The following MRPS16 variants were observed in gnomAD, a reference collection of about 807,000 sequenced individuals.
MRPS16 encodes the protein small ribosomal subunit protein bS16m.
MRPS16 carries 5 observed loss-of-function variants against 11.0 expected under a neutral mutation model. The observed-to-expected ratio is 0.46, with a 90% CI of 0.24 to 0.96. The LOEUF is 0.96. Ranked by LOEUF, MRPS16 falls within the 40% of genes least tolerant of loss-of-function variation. The pLI is 0.20. For missense variants in MRPS16, 179 were observed against 174.4 expected (o/e 1.03, Z -0.15); for synonymous variants, 76 against 65.0 (o/e 1.17, Z -0.81).
intron 1 of MRPS16, chr10:73,252,231 G>A: frequency 6.9e-6 from 7 of 1,007,978 alleles, no homozygotes; most frequent in Non-Finnish European, 8.8e-6. Context: ...CACCCCGCAT[G>A]GGCTTGCCAT....
At position 73,252,514 on chromosome 10, in the gene MRPS16, C is replaced by G; in HGVS notation, c.-32G>C. The G allele has an allele frequency of 6.2e-7, 1 of 1,604,696 alleles. No homozygotes were observed. Among genetic ancestry groups the G allele is most frequent in the Non-Finnish European group, 8.5e-7 (1 of 1,179,392 alleles). ...GCCGGCGTGCGGCTCCTCGGAGAGC[C>G]CCGCTACCCGCACGCACCAGCTCTA... is the stretch of plus-strand genomic sequence containing the variant. On this transcript the variant is annotated 5_prime_UTR_variant, in exon 1 of 3. Coordinates refer to ENST00000372945, the MANE Select transcript of MRPS16 (RefSeq NM_016065.4).
chr10:73,252,430 G>T, intron 1 of MRPS16, 40 bp downstream of exon 1: 3 of 1,608,794 alleles, frequency 1.9e-6, no homozygotes, highest in Non-Finnish European at 1.7e-6. Flanking sequence ...CCCGAGCCCC[G>T]TGACCGCCCG....
rs991333622 is a variant in MRPS16, at chr10:73,250,099, T to A, written c.*753A>T. ...GGTGGGCACCTGTAGTCCCAGCTAC[T>A]CCTGGGACTACTCGGGAGGCTGAAG... On this transcript the variant is annotated 3_prime_UTR_variant, in exon 3 of 3. Transcript: ENST00000372945. 1 of 151,220 alleles carries A rather than the reference T, an allele frequency of 6.6e-6. No individual in the cohort carries two copies. The highest frequency in any genetic ancestry group is 6.6e-5 in the Admixed American group (1 of 15,192). The allele number at this position is 151,220 out of a possible 1,614,324, so 9.4% of individuals were successfully genotyped here.
intron 1 of MRPS16, 186 bp downstream of exon 1, chr10:73,252,284 T>TG: frequency 9.2e-7 from 1 of 1,086,452 alleles, no homozygotes; most frequent in Non-Finnish European, 1.3e-6. Flanking sequence ...GCTGCTTCAA[T>TG]GGGGTGGAAA....
rs1467603217 is a variant in MRPS16 at position 73,250,846 on chromosome 10, G to A, written c.*6C>T. The A allele has an allele frequency of 1.2e-6, 2 of 1,613,430 alleles. No individual in the cohort carries two copies. Among genetic ancestry groups the A allele is most frequent in the African/African-American group, 2.7e-5 (2 of 74,926 alleles). ...CCCACTGCTATGCTCACTAAAGTCA[G>A]CTCATTTATGTTTCTGTAGCCTCTG... On this transcript the variant is annotated 3_prime_UTR_variant, in exon 3 of 3. Transcript: ENST00000372945.
In MRPS16 at chr10:73,250,631, C is replaced by T; in HGVS notation, c.*221G>A. 1.8e-6 allele frequency: 1 copy of T among 567,286 alleles called. No homozygotes were observed. Among genetic ancestry groups the T allele is most frequent in the Non-Finnish European group, 3.1e-6 (1 of 321,664 alleles). 35.1% of individuals were successfully genotyped at this position (567,286 alleles called of 1,614,324 possible). ...ATCCTCCCATAGCCACTGTCTATCC[C>T]AAGACAAAGTCGAAAAAAGCTAATT... is the stretch of plus-strand genomic sequence containing the variant. On this transcript the variant is annotated 3_prime_UTR_variant, in exon 3 of 3. Coordinates refer to ENST00000372945, the MANE Select transcript of MRPS16 (RefSeq NM_016065.4).
chr10:73,249,425 A>G lies in MRPS16; in HGVS notation c.*1427T>C. Reference sequence around the variant, plus strand: ...CCTTATAGATTACTGGCATCAAGGTAGGAAGGAAAAGATACAAGAAGTAAA... The same window carrying G: ...CCTTATAGATTACTGGCATCAAGGTGGGAAGGAAAAGATACAAGAAGTAAA... On this transcript the variant is annotated 3_prime_UTR_variant, in exon 3 of 3. Transcript: ENST00000372945. The G allele has an allele frequency of 1.8e-6, 2 of 1,124,572 alleles. No individual in the cohort carries two copies. The highest frequency in any genetic ancestry group is 2.5e-6 in the Non-Finnish European group (2 of 789,138). The allele number at this position is 1,124,572 out of a possible 1,614,324, so 69.7% of individuals were successfully genotyped here. A position where few individuals can be genotyped will look rare whatever the true frequency, so the allele number is the denominator to read the frequency against.
Position 73,250,210 on chromosome 10 carries a change from A to T in MRPS16, c.*642T>A, listed in dbSNP as rs145765900. ...ACTCAAGCCTGGGCGACAGAGCGAG[A>T]CTCCTCTCAAAAAAAAAAAAAAAAT... On this transcript the variant is annotated 3_prime_UTR_variant, in exon 3 of 3. Coordinates refer to ENST00000372945, the MANE Select transcript of MRPS16 (RefSeq NM_016065.4). 1 of 133,852 alleles carries T rather than the reference A, an allele frequency of 7.5e-6. No individual in the cohort carries two copies. Among genetic ancestry groups the T allele is most frequent in the Non-Finnish European group, 1.6e-5 (1 of 63,736 alleles). The allele number at this position is 133,852 out of a possible 1,614,324, so 8.3% of individuals were successfully genotyped here. A position where few individuals can be genotyped will look rare whatever the true frequency, so the allele number is the denominator to read the frequency against.
chr10:73,252,060 C>A (rs767901807), intron 1 of MRPS16, 37 bp from the exon 2 acceptor site: 26 of 1,601,308 alleles, frequency 1.6e-5, no homozygotes, highest in Middle Eastern at 1.6e-4. Context: ...CAAAAAACAG[C>A]ACAAAAAGGA....
At position 73,251,850 on chromosome 10, in the gene MRPS16, C is replaced by T. The variant is rs1407638566; in HGVS notation, c.187G>A (p.Glu63Lys). 2 of 1,614,218 alleles carry T rather than the reference C, an allele frequency of 1.2e-6. No individual in the cohort carries two copies. The highest frequency in any genetic ancestry group is 2.2e-5 in the South Asian group (2 of 91,088). ...SYDPLPNSHG[E>K]KLVALNLDRI... ...TCTAGGTTGAGGGCAACGAGTTTTT[C>T]TCCATGACTGTTGGGCAATGGATCA... Residue 63 changes from glutamate (E) to lysine (K), a missense_variant, in exon 2 of 3, where the codon GAA becomes AAA. Coordinates refer to ENST00000372945, the MANE Select transcript of MRPS16 (RefSeq NM_016065.4).
chr10:73,252,404 C>G (rs928610632), intron 1 of MRPS16, 66 bp downstream of exon 1: 6 of 1,604,100 alleles, frequency 3.7e-6, no homozygotes, highest in African/African-American at 2.7e-5. Flanking sequence ...GAGCTCTCCC[C>G]ACCCGGCCCC....
chr10:73,252,117 C>G (rs1432075336), intron 1 of MRPS16, 94 bp from the exon 2 acceptor site: 10 of 1,499,584 alleles, frequency 6.7e-6, no homozygotes, highest in Non-Finnish European at 9.1e-6. Context: ...TGAAATGTCT[C>G]ACTTCCAATC....
In MRPS16 at chr10:73,250,508, C is replaced by T. The variant is rs1288635542; in HGVS notation, c.*344G>A. On this transcript the variant is annotated 3_prime_UTR_variant, in exon 3 of 3. Coordinates refer to ENST00000372945, the MANE Select transcript of MRPS16 (RefSeq NM_016065.4). ...GGATGAACATGAAGATCTGAATGGG[C>T]CATGAATAGTCTGGCTGGGGGTTTT... is the stretch of plus-strand genomic sequence containing the variant. The T allele has an allele frequency of 5.5e-6, 2 of 362,202 alleles. No homozygotes were observed. The highest frequency in any genetic ancestry group is 1.1e-5 in the Non-Finnish European group (2 of 190,288). The allele number at this position is 362,202 out of a possible 1,614,324, so 22.4% of individuals were successfully genotyped here.
At position 73,249,302 on chromosome 10, in the gene MRPS16, A is replaced by G. The variant is rs1375362467; in HGVS notation, c.*1550T>C. ...CACTGACTTCAGGCTTTTAAAACAC[A>G]TGGGAATACTTGAGACCTAAGAATG... is the stretch of plus-strand genomic sequence containing the variant. On this transcript the variant is annotated 3_prime_UTR_variant, in exon 3 of 3. Coordinates refer to ENST00000372945, the MANE Select transcript of MRPS16 (RefSeq NM_016065.4). The G allele has an allele frequency of 1.3e-6, 2 of 1,550,232 alleles. No individual in the cohort carries two copies. Among genetic ancestry groups the G allele is most frequent in the East Asian group, 2.4e-5 (1 of 40,912 alleles).
rs1216573860 is a variant in MRPS16 at position 73,249,284 on chromosome 10, TTCAGGCTTTTAAAAC to T, written c.*1553_*1567del. On this transcript the variant is annotated 3_prime_UTR_variant, in exon 3 of 3. Coordinates refer to ENST00000372945, the MANE Select transcript of MRPS16 (RefSeq NM_016065.4). ...TGATGTTGAATTTCATCTCACTGAC[TTCAGGCTTTTAAAAC>T]ACATGGGAATACTTGAGACCTAAGA... 2.6e-6 allele frequency: 4 copies of T among 1,549,984 alleles called. No homozygotes were observed. Among genetic ancestry groups the T allele is most frequent in the Non-Finnish European group, 3.5e-6 (4 of 1,146,566 alleles).
rs758576112 is a variant in MRPS16 at position 73,251,928 on chromosome 10, C to A, written c.109G>T (p.Ala37Ser). 1 of 1,614,064 alleles carries A rather than the reference C, an allele frequency of 6.2e-7. No individual in the cohort carries two copies. Among genetic ancestry groups the A allele is most frequent in the Non-Finnish European group, 8.5e-7 (1 of 1,180,044 alleles). ...TNRPFYRIVA[A>S]HNKCPRDGRF... ...CCATCCCTGGGACACTTGTTGTGAG[C>A]AGCCACAATGCGGTAGAACGGCCGA... The change falls in exon 2 of 3, where the codon GCT becomes TCT. Residue 37 changes from alanine to serine, a missense_variant. Ala to Ser is a moderately conservative substitution (Grantham distance 99). Transcript: ENST00000372945.
chr10:73,248,865 C>A lies in MRPS16; in HGVS notation c.*1987G>T. ...AAATTGAAATCGCACACTGAAATAT[C>A]CTTTTATTGCAACTCAAATTTTCAA... On this transcript the variant is annotated 3_prime_UTR_variant, in exon 3 of 3. Coordinates refer to ENST00000372945, the MANE Select transcript of MRPS16 (RefSeq NM_016065.4). 5.6e-6 allele frequency: 2 copies of A among 358,010 alleles called. No individual in the cohort carries two copies. The highest frequency in any genetic ancestry group is 4.6e-5 in the South Asian group (2 of 43,918). The allele number at this position is 358,010 out of a possible 1,614,324, so 22.2% of individuals were successfully genotyped here.
intron 1 of MRPS16, 88 bp downstream of exon 1, chr10:73,252,382 T>G: frequency 6.3e-6 from 10 of 1,581,816 alleles, no homozygotes; most frequent in Non-Finnish European, 8.6e-6. Context: ...GTTGCCTCCA[T>G]CGCGCCTGGG....
Position 73,251,833 on chromosome 10 carries a change from G to C in MRPS16, c.204C>G (p.Leu68=), listed in dbSNP as rs369695042. Residue 68 remains leucine (L), a synonymous_variant, in exon 2 of 3, where the codon CTC becomes CTG. Transcript: ENST00000372945. Reference sequence around the variant, plus strand: ...TCCAATGACGGATCCTGTCTAGGTTGAGGGCAACGAGTTTTTCTCCATGAC... The same window carrying C: ...TCCAATGACGGATCCTGTCTAGGTTCAGGGCAACGAGTTTTTCTCCATGAC... ...PNSHGEKLVA[L]NLDRIRHWIG... is the part of the protein sequence containing the mutation. The C allele has an allele frequency of 6.2e-7, 1 of 1,614,096 alleles. No homozygotes were observed. The highest frequency in any genetic ancestry group is 1.3e-5 in the African/African-American group (1 of 74,922).
Sources: allele counts gnomAD v4.1 joint callset, GRCh38; gene constraint gnomAD v4.1.1; transcripts MANE v1.5; gene names NCBI Gene and HGNC (gene_info 2026-07-23, HGNC 2026-07-21).